PRICKLE2: variants seen among roughly 807,000 people sequenced by gnomAD.
The protein encoded by PRICKLE2 is prickle planar cell polarity protein 2, also known as prickle-like protein 2.
PRICKLE2 carries 21 observed loss-of-function variants against 81.4 expected under a neutral mutation model. That is an observed-to-expected ratio of 0.26 (90% CI 0.18 to 0.37). The LOEUF (loss-of-function observed/expected upper bound fraction) is 0.37, where lower values mean the gene tolerates loss of function less well. Ranked by LOEUF, PRICKLE2 falls within the 10% of genes least tolerant of loss-of-function variation. PRICKLE2 has a pLI of 1.00. For synonymous variants in PRICKLE2, 456 were observed against 421.5 expected (o/e 1.08, Z -1.00); for missense variants, 940 against 1,109.0 (o/e 0.85, Z 2.16).
At chr3:64,115,357 C>A (rs562028166) in intron 7 of PRICKLE2, among the ~76,000 whole-genome samples, 1 of 152,232 alleles carries the variant, frequency 6.6e-6, no homozygotes, top group South Asian at 2.1e-4. Context: ...TCAGTACTAA[C>A]CTTAAATGTA....
intron 1 of PRICKLE2, among the ~76,000 whole-genome samples, chr3:64,213,074 G>GTTTTT (rs2078815171): frequency 7.5e-6 from 1 of 134,068 alleles, no homozygotes; most frequent in African/African-American, 2.9e-5. Context: ...ACTGTTTTTT[G>GTTTTT]TTCTTTTTTT....
chr3:64,245,662 G>C (rs943979899), intron 2 of PRICKLE2, among the ~76,000 whole-genome samples: 3 of 152,130 alleles, frequency 2.0e-5, no homozygotes, highest in Non-Finnish European at 2.9e-5. Context: ...AGAGAGGCAT[G>C]GGGGAGGATT....
intron 2 of PRICKLE2, among the ~76,000 whole-genome samples, chr3:64,261,283 T>A (rs188002620): frequency 2.0e-5 from 3 of 152,246 alleles, no homozygotes; most frequent in East Asian, 1.9e-4. Flanking sequence ...AACTTAAAAA[T>A]TTTTAATTTC....
Position 64,150,346 on chromosome 3 carries a change from C to A in PRICKLE2, c.788-2644G>T, listed in dbSNP as rs987591182. 2.0e-5 allele frequency among the ~76,000 whole-genome samples: 3 copies of A among 152,062 alleles called. No homozygotes were observed. The South Asian group carries it at 6.2e-4, about 32-fold the overall frequency. Reference sequence around the variant, plus strand: ...CTTTGTTTTGGTCTCCCCATCAGTACAATGGGGATAATCATAGTACTTGGT... The same window carrying A: ...CTTTGTTTTGGTCTCCCCATCAGTAAAATGGGGATAATCATAGTACTTGGT... On this transcript the variant is annotated intron_variant, in intron 6 of 7. Coordinates refer to ENST00000638394, the MANE Select transcript of PRICKLE2 (RefSeq NM_198859.4).
chr3:64,254,168 C>A (rs2079491415), intron 2 of PRICKLE2, among the ~76,000 whole-genome samples: 1 of 152,216 alleles, frequency 6.6e-6, no homozygotes, highest in African/African-American at 2.4e-5. Flanking sequence ...TATTTAATGG[C>A]TCTTTCCTTA....
At chr3:64,205,877 A>C (rs1415802206) in intron 1 of PRICKLE2, among the ~76,000 whole-genome samples, 1 of 152,146 alleles carries the variant, frequency 6.6e-6, no homozygotes, top group African/African-American at 2.4e-5. Context: ...CTCCTCCCCA[A>C]ACTCCAGGCA....
chr3:64,255,116 T>A (rs573607288), intron 2 of PRICKLE2, among the ~76,000 whole-genome samples: 2 of 152,314 alleles, frequency 1.3e-5, no homozygotes, highest in South Asian at 4.1e-4. Context: ...GTTGGCCAAA[T>A]TCCAAGCCAT....
intron 1 of PRICKLE2, chr3:64,199,900 G>A (rs1324280504): frequency 1.3e-5 from 2 of 152,198 alleles, no homozygotes; most frequent in African/African-American, 2.4e-5. Context: ...ATTAGTTTCC[G>A]TAGCACCTTA....
chr3:64,178,634 A>G (rs1286414112), intron 2 of PRICKLE2, among the ~76,000 whole-genome samples: 1 of 152,246 alleles, frequency 6.6e-6, no homozygotes, highest in East Asian at 1.9e-4. Context: ...CTATGTAAAC[A>G]GGATATTACA....
At chr3:64,162,710 T>C (rs1341811063) in intron 3 of PRICKLE2, among the ~76,000 whole-genome samples, 1 of 152,232 alleles carries the variant, frequency 6.6e-6, no homozygotes, top group South Asian at 2.1e-4. Context: ...ACATGGCATA[T>C]TCTTCAAGTA....
chr3:64,239,736 A>C (rs80132257), intron 2 of PRICKLE2, among the ~76,000 whole-genome samples: 3,826 of 152,258 alleles, frequency 0.025, 169 homozygotes, highest in African/African-American at 0.087. Flanking sequence ...TGAGGCTCAG[A>C]GAAATCAAAA....
At position 64,147,484 on chromosome 3, in the gene PRICKLE2, G is replaced by T; in HGVS notation, c.1006C>A (p.Arg336Ser). 1 of 1,614,242 alleles carries T rather than the reference G, an allele frequency of 6.2e-7. No homozygotes were observed. The highest frequency in any genetic ancestry group is 8.5e-7 in the Non-Finnish European group (1 of 1,180,044). The change falls in exon 7 of 8, where the codon CGC becomes AGC. Residue 336 changes from arginine to serine, a missense_variant. Transcript: ENST00000638394. The surrounding 1 kb of genome is among the most constrained non-coding windows in gnomAD (Gnocchi z 5.0). ...FQNARAKESRRSAKIGKNKGK... is the reference protein window; with the variant it reads ...FQNARAKESRSSAKIGKNKGK... Reference sequence around the variant, plus strand: ...TTGTTCTTGCCAATTTTGGCACTGCGCCGGGACTCCTTGGCCCTGGCGTTC... The same window carrying T: ...TTGTTCTTGCCAATTTTGGCACTGCTCCGGGACTCCTTGGCCCTGGCGTTC...
intron 2 of PRICKLE2, among the ~76,000 whole-genome samples, chr3:64,264,699 C>G (rs1036533744): frequency 1.3e-5 from 2 of 152,152 alleles, no homozygotes; most frequent in East Asian, 1.9e-4. Flanking sequence ...TTACAGCAGC[C>G]TGGGTGAATG....
At chr3:64,159,842 G>T in intron 4 of PRICKLE2, 98 bp downstream of exon 4, 1 of 1,481,116 alleles carries the variant, frequency 6.8e-7, no homozygotes, top group African/African-American at 1.4e-5. Context: ...CTGTATCTCA[G>T]GCACATAGTA....
intron 2 of PRICKLE2, among the ~76,000 whole-genome samples, chr3:64,244,772 T>C (rs978022575): frequency 1.3e-5 from 2 of 152,108 alleles, no homozygotes; most frequent in Non-Finnish European, 2.9e-5. Flanking sequence ...AGCAGAAATA[T>C]AGCACGGTAA....
intron 2 of PRICKLE2, among the ~76,000 whole-genome samples, chr3:64,256,729 C>G (rs2079530069): frequency 6.6e-6 from 1 of 152,146 alleles, no homozygotes; most frequent in Admixed American, 6.5e-5. Flanking sequence ...CCAGAGTCAA[C>G]CTCACCCCTT....
Position 64,147,120 on chromosome 3 carries a change from A to G in PRICKLE2, c.1370T>C (p.Met457Thr). 1 of 1,614,146 alleles carries G rather than the reference A, an allele frequency of 6.2e-7. No homozygotes were observed. Among genetic ancestry groups the G allele is most frequent in the Non-Finnish European group, 8.5e-7 (1 of 1,180,024 alleles). ...GATGAAGCTGCCAGCATGTCCTGTC[A>G]TGGCCAGTGACGAGCTCCTTTTGGG... is the stretch of plus-strand genomic sequence containing the variant. ...SNPKRSSSLA[M>T]TGHAGSFIKE... The change falls in exon 7 of 8, where the codon ATG (methionine) becomes ACG (threonine). Residue 457 changes from methionine (M) to threonine (T), a missense_variant. Physicochemically the swap from Met to Thr is moderately conservative, Grantham distance 81. This residue lies in a region of PRICKLE2 where 670 missense variants were observed against 717.2 expected (regional missense o/e 0.93). Transcript: ENST00000638394. The surrounding 1 kb of genome is among the most constrained non-coding windows in gnomAD (Gnocchi z 5.0).
At position 64,096,822 on chromosome 3, in the gene PRICKLE2, T is replaced by C. The variant is rs2076578412; in HGVS notation, c.*2229A>G. 6.6e-6 allele frequency: 1 copy of C among 152,630 alleles called. No homozygotes were observed. Among genetic ancestry groups the C allele is most frequent in the Admixed American group, 6.5e-5 (1 of 15,280 alleles). 9.5% of individuals were successfully genotyped at this position (152,630 alleles called of 1,614,324 possible). On this transcript the variant is annotated 3_prime_UTR_variant, in exon 8 of 8. Coordinates refer to ENST00000638394, the MANE Select transcript of PRICKLE2 (RefSeq NM_198859.4). ...GCAACTTTTACTGGGAGAATTTCTT[T>C]CACTGGATTTGGGGCCACAGAGGAC...
intron 2 of PRICKLE2, among the ~76,000 whole-genome samples, chr3:64,231,421 C>T (rs982949473): frequency 4.6e-5 from 7 of 152,130 alleles, no homozygotes; most frequent in Non-Finnish European, 1.0e-4. Flanking sequence ...TTGGGAACTA[C>T]TAATTTTCAT....
Sources: allele counts gnomAD v4.1 joint callset (sites outside exome capture counted in the v4.1 genomes callset), GRCh38; gene constraint gnomAD v4.1.1; regional missense constraint gnomAD v4.1.1; non-coding constraint Gnocchi (gnomAD v3.1); transcripts MANE v1.5; gene names NCBI Gene and HGNC (gene_info 2026-07-23, HGNC 2026-07-21).